ZFHX3: variants seen among roughly 807,000 people sequenced by gnomAD.
ZFHX3 encodes the protein zinc finger homeobox 3.
Under a neutral mutation model 279.1 loss-of-function variants are expected in ZFHX3, and 42 were observed. The ratio of observed to expected loss-of-function variants is 0.15; its 90% CI spans 0.12 to 0.19. The LOEUF (loss-of-function observed/expected upper bound fraction) is 0.19, where lower values mean the gene tolerates loss of function less well. Ranked by LOEUF, ZFHX3 falls within the 10% of genes least tolerant of loss-of-function variation. The probability of loss-of-function intolerance (pLI) is 1.00; values close to 1 mark genes in which losing one functional copy is unlikely to be tolerated. For synonymous variants in ZFHX3, 2,293 were observed against 1,957.8 expected, an observed-to-expected ratio of 1.17 and a Z score of -4.52; for missense variants, 4,981 against 4,754.0, an observed-to-expected ratio of 1.05 and a Z score of -1.40.
chr16:73,682,717 G>T (rs570202390), intron 1 of ZFHX3, among the ~76,000 whole-genome samples: 1 of 151,564 alleles, frequency 6.6e-6, no homozygotes, highest in African/African-American at 2.4e-5. Context: ...AACCCAGGAG[G>T]TGGAGGTTGC....
chr16:72,964,969 T>C (rs573619938), intron 1 of ZFHX3, among the ~76,000 whole-genome samples: 134 of 152,182 alleles, frequency 8.8e-4, no homozygotes, highest in South Asian at 2.3e-3. Flanking sequence ...CCTCTGCCTC[T>C]TGGGCTCAAG....
chr16:73,438,288 G>A (rs1040650970), intron 3 of ZFHX3, among the ~76,000 whole-genome samples: 3 of 152,176 alleles, frequency 2.0e-5, no homozygotes, highest in African/African-American at 7.2e-5. Flanking sequence ...AGCAAATGGA[G>A]GAAAACAAAA....
chr16:73,524,644 G>T (rs1314887649), intron 2 of ZFHX3, among the ~76,000 whole-genome samples: 4 of 152,178 alleles, frequency 2.6e-5, no homozygotes, highest in Non-Finnish European at 2.9e-5. Context: ...GAAGCCTCTA[G>T]ATTTGCTGTG....
At chr16:73,717,368 T>C (rs956081765) in intron 1 of ZFHX3, among the ~76,000 whole-genome samples, 2 of 151,754 alleles carry the variant, frequency 1.3e-5, no homozygotes, top group South Asian at 4.2e-4. Context: ...TTTGACTTAT[T>C]CCCTTTGTGC....
intron 2 of ZFHX3, among the ~76,000 whole-genome samples, chr16:72,954,061 G>GC (rs1243490886): frequency 6.6e-6 from 1 of 152,212 alleles, no homozygotes; most frequent in Non-Finnish European, 1.5e-5. Context: ...ACAAACAGGA[G>GC]CAGGGCCCCT....
intron 5 of ZFHX3, among the ~76,000 whole-genome samples, chr16:73,175,563 A>T (rs1371751824): frequency 2.6e-5 from 4 of 152,192 alleles, no homozygotes; most frequent in Admixed American, 6.5e-5. Context: ...GTGCATTAAC[A>T]CACACAAAAC....
At chr16:73,770,126 C>A (rs1348885578) in intron 1 of ZFHX3, among the ~76,000 whole-genome samples, 1 of 152,178 alleles carries the variant, frequency 6.6e-6, no homozygotes, top group African/African-American at 2.4e-5. Context: ...AATCAGATGA[C>A]CTGATGATAG....
At chr16:73,653,677 C>G (rs1014441116) in intron 2 of ZFHX3, among the ~76,000 whole-genome samples, 1 of 151,676 alleles carries the variant, frequency 6.6e-6, no homozygotes. Flanking sequence ...AGAAAAAAAA[C>G]CCACCCAAAA....
chr16:73,733,210 G>T (rs115999504), intron 1 of ZFHX3, among the ~76,000 whole-genome samples: 172 of 152,292 alleles, frequency 1.1e-3, no homozygotes, highest in African/African-American at 3.9e-3. Context: ...AAATCGTAAT[G>T]ATATCACTGA....
At chr16:73,428,030 C>G (rs1431853383) in intron 3 of ZFHX3, among the ~76,000 whole-genome samples, 3 of 152,182 alleles carry the variant, frequency 2.0e-5, no homozygotes, top group African/African-American at 2.4e-5. Context: ...AACACACACA[C>G]ATGCATGCAC....
At chr16:72,964,920 C>G (rs1961760087) in intron 1 of ZFHX3, among the ~76,000 whole-genome samples, 1 of 152,134 alleles carries the variant, frequency 6.6e-6, no homozygotes, top group South Asian at 2.1e-4. Flanking sequence ...CTTTGTCACC[C>G]AGGCTGGAGT....
At chr16:73,064,554 C>T (rs1597144952), upstream of ZFHX3, among the ~76,000 whole-genome samples, 1 of 151,930 alleles carries the variant, frequency 6.6e-6, no homozygotes, top group East Asian at 1.9e-4. Flanking sequence ...AGACCACAAC[C>T]TACTCTTGAG....
intron 1 of ZFHX3, among the ~76,000 whole-genome samples, chr16:73,870,549 C>T (rs1386947320): frequency 6.7e-6 from 1 of 150,250 alleles, no homozygotes; most frequent in African/African-American, 2.5e-5. Context: ...AGACAAGTGC[C>T]CATTATTCTT....
At chr16:73,545,401 AGCGC>A (rs1313148627) in intron 2 of ZFHX3, among the ~76,000 whole-genome samples, 2 of 152,192 alleles carry the variant, frequency 1.3e-5, no homozygotes, top group Non-Finnish European at 2.9e-5. Flanking sequence ...GCATTAGCAC[AGCGC>A]TGGGCCGCCT....
intron 1 of ZFHX3, among the ~76,000 whole-genome samples, chr16:73,840,999 A>T (rs756575127): frequency 1.3e-5 from 2 of 152,180 alleles, no homozygotes; most frequent in African/African-American, 2.4e-5. Flanking sequence ...ATAGGAAAGC[A>T]GGTGGTGAAA....
At chr16:73,083,885 C>T (rs1209979528) in intron 8 of ZFHX3, among the ~76,000 whole-genome samples, 1 of 152,150 alleles carries the variant, frequency 6.6e-6, no homozygotes, top group African/African-American at 2.4e-5. Context: ...CAGAACATGC[C>T]TCCACTGGAA....
intron 1 of ZFHX3, among the ~76,000 whole-genome samples, chr16:72,970,666 C>T (rs1011290319): frequency 3.3e-5 from 5 of 152,212 alleles, no homozygotes; most frequent in African/African-American, 9.7e-5. Flanking sequence ...CCCGGCTAAA[C>T]CGGACACCTT....
At chr16:73,068,380 G>A (rs1254696311) in intron 8 of ZFHX3, among the ~76,000 whole-genome samples, 2 of 152,310 alleles carry the variant, frequency 1.3e-5, no homozygotes, top group East Asian at 3.9e-4. Flanking sequence ...GGGTGCTCTG[G>A]TTTTGTATGG....
At chr16:73,867,720 C>T (rs995604426) in intron 1 of ZFHX3, among the ~76,000 whole-genome samples, 2 of 152,180 alleles carry the variant, frequency 1.3e-5, no homozygotes, top group African/African-American at 2.4e-5. Context: ...CATTCCCCCT[C>T]CCAAATGCAC....
Sources: allele counts gnomAD v4.1 joint callset (sites outside exome capture counted in the v4.1 genomes callset), GRCh38; gene constraint gnomAD v4.1.1; transcripts MANE v1.5; gene names NCBI Gene and HGNC (gene_info 2026-07-23, HGNC 2026-07-21).